Variants in TRAK1 observed in about 807,000 individuals in gnomAD.
TRAK1 encodes trafficking kinesin protein 1, also known as trafficking kinesin-binding protein 1.
Under a neutral mutation model 92.1 loss-of-function variants are expected in TRAK1, and 33 were observed. That is an observed-to-expected ratio of 0.36 (90% CI 0.27 to 0.48). The LOEUF (loss-of-function observed/expected upper bound fraction) is 0.48. Among genes scored for constraint, TRAK1 ranks in the 20% least tolerant of loss-of-function variants. The pLI, the probability that TRAK1 is intolerant of heterozygous loss-of-function variation, is 0.99. For missense variants in TRAK1, 1,123 were observed against 1,257.9 expected, an observed-to-expected ratio of 0.89 and a Z score of 1.62; for synonymous variants, 521 against 517.3, an observed-to-expected ratio of 1.01 and a Z score of -0.10.
intron 12 of TRAK1, 93 bp downstream of exon 12, chr3:42,201,147 A>C: frequency 7.4e-7 from 1 of 1,348,374 alleles, no homozygotes; most frequent in Non-Finnish European, 1.0e-6. Flanking sequence ...AGAGGGAGGT[A>C]GATGAGAGTC....
chr3:42,047,169 G>A (rs895552892), intron 1 of TRAK1, among the ~76,000 whole-genome samples: 3 of 150,956 alleles, frequency 2.0e-5, no homozygotes, highest in African/African-American at 4.9e-5. Context: ...ATGGAGACAA[G>A]GGGAGTATAA....
At chr3:42,060,168 A>C (rs373222733) in intron 1 of TRAK1, among the ~76,000 whole-genome samples, 1 of 152,204 alleles carries the variant, frequency 6.6e-6, no homozygotes, top group Non-Finnish European at 1.5e-5. Flanking sequence ...CTCCATCCAC[A>C]TGGAGCTTAC....
intron 1 of TRAK1, 127 bp from the exon 2 acceptor site, chr3:42,125,293 C>A: frequency 1.3e-6 from 1 of 795,232 alleles, no homozygotes; most frequent in Non-Finnish European, 1.9e-6. Flanking sequence ...CTGATATAGC[C>A]TTGTCTAGCT....
chr3:42,219,749 G>T (rs1284385357), intron 15 of TRAK1, among the ~76,000 whole-genome samples, 153 bp downstream of exon 15: 2 of 134,438 alleles, frequency 1.5e-5, no homozygotes, highest in Admixed American at 7.7e-5. Flanking sequence ...GCAGGCACTT[G>T]TTCTGGGTCC....
At chr3:42,055,759 G>A (rs1243340059) in intron 1 of TRAK1, among the ~76,000 whole-genome samples, 1 of 152,074 alleles carries the variant, frequency 6.6e-6, no homozygotes, top group African/African-American at 2.4e-5. Flanking sequence ...CACTGTGCCC[G>A]GCCATCCACA....
intron 2 of TRAK1, among the ~76,000 whole-genome samples, chr3:42,145,090 C>A (rs1317226846): frequency 2.0e-5 from 3 of 152,212 alleles, no homozygotes; most frequent in Non-Finnish European, 4.4e-5. Flanking sequence ...TAATCTTCCA[C>A]CTCCTCGCCT....
chr3:42,112,227 C>T (rs1476047216), intron 1 of TRAK1, among the ~76,000 whole-genome samples: 1 of 146,918 alleles, frequency 6.8e-6, no homozygotes, highest in African/African-American at 2.5e-5. Context: ...TTGCAACCTC[C>T]GCCTCCTGGG....
intron 1 of TRAK1, among the ~76,000 whole-genome samples, chr3:42,040,901 A>G (rs1441153865): frequency 6.6e-6 from 1 of 151,674 alleles, no homozygotes; most frequent in Non-Finnish European, 1.5e-5. Flanking sequence ...TTGATCTCGA[A>G]CTCCTGACCT....
intron 4 of TRAK1, among the ~76,000 whole-genome samples, chr3:42,185,861 A>G (rs1322577111): frequency 6.7e-6 from 1 of 150,140 alleles, no homozygotes; most frequent in African/African-American, 2.5e-5. Context: ...TTTGGTAGAG[A>G]CGGGGTTTCA....
Position 42,101,448 on chromosome 3 carries a change from G to T in TRAK1, c.91+9888G>T, listed in dbSNP as rs574285510. Among the ~76,000 whole-genome samples the T allele has an allele frequency of 1.1e-4, 17 of 152,346 alleles. No homozygotes were observed. The South Asian group carries it at 3.3e-3, about 30-fold the overall frequency. ...ACTGAATGGCCGAGGTACATTAGTTGCTTTCAGGAAAGCCTCGTGGTGCCA... is the reference window on the plus strand; with the variant it reads ...ACTGAATGGCCGAGGTACATTAGTTTCTTTCAGGAAAGCCTCGTGGTGCCA... On this transcript the variant is annotated intron_variant, in intron 1 of 15. Coordinates refer to ENST00000327628, the MANE Select transcript of TRAK1 (RefSeq NM_001042646.3).
chr3:42,211,351 A>G (rs1401201593), intron 14 of TRAK1: 2 of 985,282 alleles, frequency 2.0e-6, no homozygotes, highest in Non-Finnish European at 2.4e-6. Flanking sequence ...TTTAGCACAT[A>G]GGTTTATTTA....
chr3:42,212,593 T>C, intron 14 of TRAK1: 1 of 955,318 alleles, frequency 1.0e-6, no homozygotes, highest in Non-Finnish European at 1.2e-6. Flanking sequence ...GTAAATAATT[T>C]AGATGATTAA....
At chr3:42,118,468 A>T (rs1709448885) in intron 1 of TRAK1, among the ~76,000 whole-genome samples, 3 of 152,240 alleles carry the variant, frequency 2.0e-5, no homozygotes. Flanking sequence ...TTGCTGTAAA[A>T]TGTAAGCATT....
intron 1 of TRAK1, among the ~76,000 whole-genome samples, chr3:42,103,631 C>T (rs1559769399): frequency 2.0e-5 from 3 of 152,066 alleles, no homozygotes; most frequent in South Asian, 4.1e-4. Flanking sequence ...TGGCTGGGCT[C>T]GTGTCTGTGA....
At chr3:42,070,744 T>A (rs1266857167) in intron 1 of TRAK1, among the ~76,000 whole-genome samples, 1 of 152,370 alleles carries the variant, frequency 6.6e-6, no homozygotes, top group East Asian at 1.9e-4. Flanking sequence ...TTGTCTTTAA[T>A]AAAGATACAG....
chr3:42,128,615 A>G (rs1559805033), intron 2 of TRAK1, among the ~76,000 whole-genome samples: 1 of 152,270 alleles, frequency 6.6e-6, no homozygotes, highest in Non-Finnish European at 1.5e-5. Context: ...ATTTTTATTA[A>G]CTTCTAACTG....
Position 42,125,455 on chromosome 3 carries a change from A to C in TRAK1, c.127A>C (p.Ile43Leu). 6.2e-7 allele frequency: 1 copy of C among 1,614,182 alleles called. No individual in the cohort carries two copies. The highest frequency in any genetic ancestry group is 8.5e-7 in the Non-Finnish European group (1 of 1,180,024). ...CAGCACCGATCTTCCGGAAGTCGAG[A>C]TCATTAGCCTGCTGGAGGAGCAGCT... ...CNSTDLPEVE[I>L]ISLLEEQLPH... The change falls in exon 2 of 16, where the codon ATC becomes CTC. Residue 43 changes from isoleucine to leucine, a missense_variant. Transcript: ENST00000327628.
intron 1 of TRAK1, among the ~76,000 whole-genome samples, chr3:42,017,992 T>C (rs974033572): frequency 6.9e-6 from 1 of 145,872 alleles, no homozygotes; most frequent in Non-Finnish European, 1.5e-5. Context: ...CAGGTGAAGC[T>C]GGGAATAGCC....
chr3:42,059,295 T>C (rs1703330746), intron 1 of TRAK1, among the ~76,000 whole-genome samples: 1 of 152,148 alleles, frequency 6.6e-6, no homozygotes, highest in Non-Finnish European at 1.5e-5. Context: ...GAGGCCTCTT[T>C]GTGTTGCCCA....
Sources: allele counts gnomAD v4.1 joint callset (sites outside exome capture counted in the v4.1 genomes callset), GRCh38; gene constraint gnomAD v4.1.1; transcripts MANE v1.5; gene names NCBI Gene and HGNC (gene_info 2026-07-23, HGNC 2026-07-21).